ERC2: variants seen among roughly 807,000 people sequenced by gnomAD.
The protein encoded by ERC2 is ELKS/RAB6-interacting/CAST family member 2, also known as ERC protein 2.
A neutral mutation model predicts 114.8 loss-of-function variants in ERC2; 42 were observed. The ratio of observed to expected loss-of-function variants is 0.37; its 90% CI spans 0.29 to 0.47. ERC2 has a LOEUF of 0.47. ERC2 is among the 20% of genes least tolerant of loss of function. The pLI, the probability that ERC2 is intolerant of heterozygous loss-of-function variation, is 0.99. For synonymous variants in ERC2, 454 were observed against 425.5 expected, an observed-to-expected ratio of 1.07 and a Z score of -0.82; for missense variants, 939 against 1,150.7, an observed-to-expected ratio of 0.82 and a Z score of 2.66.
At chr3:55,830,006 C>A (rs2060501414) in intron 14 of ERC2, among the ~76,000 whole-genome samples, 1 of 151,978 alleles carries the variant, frequency 6.6e-6, no homozygotes, top group African/African-American at 2.4e-5. Flanking sequence ...ACAAAAAAAC[C>A]CACCTGCAGC....
At chr3:55,988,933 TAC>T in intron 11 of ERC2, among the ~76,000 whole-genome samples, 1 of 152,218 alleles carries the variant, frequency 6.6e-6, no homozygotes, top group Non-Finnish European at 1.5e-5. Flanking sequence ...TTGGTCAGAA[TAC>T]ACATGTAGCA....
rs376322282 is a variant in ERC2 at position 56,215,802 on chromosome 3, A to C, written c.1075-42282T>G. ...AATTAAAACAAACTGTCTCTCAGAC[A>C]ACAGTGCAATCAAACTAGAACTCAG... On this transcript the variant is annotated intron_variant, in intron 3 of 17. Coordinates refer to ENST00000288221, the MANE Select transcript of ERC2 (RefSeq NM_015576.3). Among the ~76,000 whole-genome samples, 395 of 152,328 alleles carry C rather than the reference A, an allele frequency of 2.6e-3. 1 individual carries two copies. The highest frequency in any genetic ancestry group is 0.018 in the South Asian group (88 of 4,822).
chr3:55,631,173 C>A (rs1437355977), intron 17 of ERC2, among the ~76,000 whole-genome samples: 1 of 151,594 alleles, frequency 6.6e-6, no homozygotes, highest in Non-Finnish European at 1.5e-5. Context: ...TTTTTTTTCC[C>A]CAAGCAATGG....
At chr3:55,889,383 C>G (rs2063503356) in intron 13 of ERC2, among the ~76,000 whole-genome samples, 2 of 152,088 alleles carry the variant, frequency 1.3e-5, no homozygotes, top group Non-Finnish European at 2.9e-5. Context: ...GTTTGGTTTG[C>G]CCCTGAAGTT....
At chr3:56,042,472 G>A (rs1387764421) in intron 7 of ERC2, among the ~76,000 whole-genome samples, 1 of 152,090 alleles carries the variant, frequency 6.6e-6, no homozygotes, top group Non-Finnish European at 1.5e-5. Context: ...TAAAACACTG[G>A]ATAAGGCTTG....
intron 14 of ERC2, among the ~76,000 whole-genome samples, chr3:55,775,701 C>A (rs1370065655): frequency 2.6e-5 from 4 of 152,098 alleles, no homozygotes; most frequent in African/African-American, 9.7e-5. Context: ...AGAAAAGATA[C>A]TGAGAGGGCC....
chr3:55,717,181 T>A (rs2064173529), intron 15 of ERC2, among the ~76,000 whole-genome samples: 2 of 152,226 alleles, frequency 1.3e-5, no homozygotes, highest in Admixed American at 1.3e-4. Context: ...TTTTAAAGAC[T>A]GTGCCTTGAG....
Position 55,734,635 on chromosome 3 carries a change from C to G in ERC2, c.2712+136G>C, listed in dbSNP as rs1487848139. 5.2e-6 allele frequency: 5 copies of G among 956,146 alleles called. No homozygotes were observed. The South Asian group carries it at 8.5e-5, about 16-fold the overall frequency. 59.2% of individuals were successfully genotyped at this position (956,146 alleles called of 1,614,324 possible). A position where few individuals can be genotyped will look rare whatever the true frequency, so the allele number is the denominator to read the frequency against. The stretch of plus-strand genomic sequence containing the variant: ...AATGGTGTTGCAGCGACAACTGGGT[C>G]CATTGCACTCCTACCTGGTTTTAGG... On this transcript the variant is annotated intron_variant, in intron 15 of 17. Coordinates refer to ENST00000288221, the MANE Select transcript of ERC2 (RefSeq NM_015576.3).
intron 3 of ERC2, among the ~76,000 whole-genome samples, chr3:56,283,917 G>A (rs1193753560): frequency 6.6e-6 from 1 of 152,178 alleles, no homozygotes; most frequent in Non-Finnish European, 1.5e-5. Flanking sequence ...CATTTCCTTG[G>A]TAAATGGCCA....
chr3:56,288,913 C>T (rs2054900242), intron 3 of ERC2, among the ~76,000 whole-genome samples: 2 of 152,122 alleles, frequency 1.3e-5, no homozygotes, highest in Admixed American at 1.3e-4. Flanking sequence ...TGGTTAAATA[C>T]TAGTAGGAGT....
chr3:55,722,483 C>G (rs1376461605), intron 15 of ERC2, among the ~76,000 whole-genome samples: 2 of 152,178 alleles, frequency 1.3e-5, no homozygotes, highest in Non-Finnish European at 2.9e-5. Context: ...TATTCAAAAT[C>G]AGCTCCCCAA....
intron 14 of ERC2, among the ~76,000 whole-genome samples, chr3:55,837,599 T>G: frequency 9.2e-6 from 1 of 108,994 alleles, no homozygotes. Context: ...CTCTGGGGAC[T>G]GTTGTGGGGT....
intron 17 of ERC2, among the ~76,000 whole-genome samples, chr3:55,585,657 T>C (rs1223130790): frequency 6.6e-6 from 1 of 152,220 alleles, no homozygotes; most frequent in Non-Finnish European, 1.5e-5. Flanking sequence ...GGGGGGACCC[T>C]GGAAGATAAC....
chr3:55,867,299 A>T (rs1010470061), intron 14 of ERC2, among the ~76,000 whole-genome samples: 1 of 151,884 alleles, frequency 6.6e-6, no homozygotes, highest in Non-Finnish European at 1.5e-5. Context: ...CCCACCCACC[A>T]CACCCACCTC....
In ERC2 at chr3:56,353,807, AATAT is replaced by A. The variant is rs35237655; in HGVS notation, c.658-57376_658-57373del. On this transcript the variant is annotated intron_variant, in intron 2 of 17. Coordinates refer to ENST00000288221, the MANE Select transcript of ERC2 (RefSeq NM_015576.3). ...TACCCTAGAACTTAACGTATAATAA[AATAT>A]ATATATATATATAAAGAAATAATAA... Among the ~76,000 whole-genome samples the A allele has an allele frequency of 2.2e-3, 320 of 147,896 alleles. 2 individuals are homozygous for A. Among genetic ancestry groups the A allele is most frequent in the African/African-American group, 7.4e-3 (300 of 40,520 alleles).
At chr3:56,032,943 G>C (rs374936606) in intron 7 of ERC2, among the ~76,000 whole-genome samples, 1 of 79,126 alleles carries the variant, frequency 1.3e-5, no homozygotes, top group East Asian at 3.6e-4. Context: ...AAGAAAGAAA[G>C]AAAGAAAGAA....
intron 13 of ERC2, among the ~76,000 whole-genome samples, chr3:55,935,596 G>A (rs375225627): frequency 2.2e-4 from 34 of 152,314 alleles, no homozygotes; most frequent in African/African-American, 7.5e-4. Flanking sequence ...TTCACTTAGA[G>A]AACCAAAGTA....
At chr3:56,012,871 C>T (rs1314897382) in intron 8 of ERC2, among the ~76,000 whole-genome samples, 1 of 152,208 alleles carries the variant, frequency 6.6e-6, no homozygotes, top group Non-Finnish European at 1.5e-5. Flanking sequence ...GAAATTCCAA[C>T]AATGTGTTCT....
At chr3:56,353,194 C>G (rs2058615606) in intron 2 of ERC2, among the ~76,000 whole-genome samples, 2 of 152,132 alleles carry the variant, frequency 1.3e-5, no homozygotes, top group East Asian at 3.9e-4. Context: ...CTCCTATGGT[C>G]CCATGGCCTA....
Sources: gnomAD v4.1 joint callset for allele counts (sites outside exome capture counted in the v4.1 genomes callset) on GRCh38, gnomAD v4.1.1 for gene constraint, MANE v1.5 for transcripts, NCBI Gene and HGNC (gene_info 2026-07-23, HGNC 2026-07-21) for gene names.